Variants in COL21A1 observed in about 807,000 individuals in gnomAD.
COL21A1 encodes the protein collagen alpha-1(XXI) chain.
A neutral mutation model predicts 137.9 loss-of-function variants in COL21A1; 149 were observed. The ratio of observed to expected loss-of-function variants is 1.08; its 90% CI spans 0.95 to 1.24. COL21A1 has a LOEUF of 1.24. Ranked by LOEUF, COL21A1 falls within the 50% of genes most tolerant of loss-of-function variation. The pLI is 0.00. For synonymous variants in COL21A1, 456 were observed against 391.5 expected (o/e 1.16, Z -1.95); for missense variants, 1,167 against 1,158.4 (o/e 1.01, Z -0.11).
At chr6:56,223,993 A>T (rs1380076308) in intron 1 of COL21A1, among the ~76,000 whole-genome samples, 1 of 152,030 alleles carries the variant, frequency 6.6e-6, no homozygotes, top group African/African-American at 2.4e-5. Context: ...CTCTCCTGGG[A>T]TAAGGGCAAA....
At chr6:56,249,768 G>C (rs1782810770), upstream of COL21A1, among the ~76,000 whole-genome samples, 1 of 152,110 alleles carries the variant, frequency 6.6e-6, no homozygotes, top group African/African-American at 2.4e-5. Flanking sequence ...GGTTTGCTTT[G>C]GGGTGATAAA....
intron 1 of COL21A1, among the ~76,000 whole-genome samples, chr6:56,224,158 CT>C (rs1257016753): frequency 1.3e-5 from 2 of 152,142 alleles, no homozygotes; most frequent in African/African-American, 4.8e-5. Context: ...TATCTGGGTC[CT>C]TCCATATCAC....
At position 56,132,445 on chromosome 6, in the gene COL21A1, C is replaced by T. The variant is rs1225249106; in HGVS notation, c.1543-6296G>A. 3.3e-5 allele frequency among the ~76,000 whole-genome samples: 5 copies of T among 151,868 alleles called. No individual in the cohort carries two copies. In the East Asian group the frequency reaches 5.8e-4, roughly 18 times the overall value. ...AATAATGAGGAAGGATTAGCCCTGC[C>T]AATATTAAGTCAGATCATGAAGTGA... On this transcript the variant is annotated intron_variant, in intron 12 of 29. Transcript: ENST00000244728.
chr6:56,111,193 A>G (rs1393395902), intron 16 of COL21A1, among the ~76,000 whole-genome samples: 2 of 152,134 alleles, frequency 1.3e-5, no homozygotes, highest in Non-Finnish European at 2.9e-5. Context: ...TCATGAGGAA[A>G]GCATGAAACA....
In COL21A1 at chr6:56,124,289, C is replaced by T; in HGVS notation, c.1654G>A (p.Ala552Thr). 6.2e-7 allele frequency: 1 copy of T among 1,601,174 alleles called. No individual in the cohort carries two copies. Among genetic ancestry groups the T allele is most frequent in the East Asian group, 2.2e-5 (1 of 44,602 alleles). ...GSPGFYGKKGAKGEKGNAGFP... is the reference protein window; with the variant it reads ...GSPGFYGKKGTKGEKGNAGFP... ...CCAGCATTCCCCTTTTCACCTTTTG[C>T]ACCCTGTATCGAAAACAAACACTTA... Residue 552 changes from alanine (A) to threonine (T), a missense_variant, in exon 15 of 30, where the codon GCA becomes ACA. Coordinates refer to ENST00000244728, the MANE Select transcript of COL21A1 (RefSeq NM_030820.4).
At chr6:56,093,296 A>C (rs1769026721) in intron 17 of COL21A1, among the ~76,000 whole-genome samples, 1 of 152,154 alleles carries the variant, frequency 6.6e-6, no homozygotes, top group Non-Finnish European at 1.5e-5. Flanking sequence ...CAATGTCCAC[A>C]AAAGTCTCAA....
intron 1 of COL21A1, among the ~76,000 whole-genome samples, chr6:56,340,639 C>T (rs989448667): frequency 6.6e-6 from 1 of 152,084 alleles, no homozygotes; most frequent in Non-Finnish European, 1.5e-5. Context: ...TCTCTGTTGG[C>T]TGTGTTTATT....
chr6:56,205,594 A>G (rs929885319), intron 1 of COL21A1, among the ~76,000 whole-genome samples: 9 of 152,244 alleles, frequency 5.9e-5, no homozygotes, highest in African/African-American at 2.2e-4. Flanking sequence ...TCCCCAACCT[A>G]GCAAAATAGG....
Position 56,085,866 on chromosome 6 carries a change from T to G in COL21A1, c.1813-8293A>C, listed in dbSNP as rs79848608. On this transcript the variant is annotated intron_variant, in intron 17 of 29. Coordinates refer to ENST00000244728, the MANE Select transcript of COL21A1 (RefSeq NM_030820.4). Reference sequence around the variant, plus strand: ...TTCTTTATATATTTTTTTCAAGAGATATACAGATCATTTCCAAGAGAGTAT... The same window carrying G: ...TTCTTTATATATTTTTTTCAAGAGAGATACAGATCATTTCCAAGAGAGTAT... 7.1e-3 allele frequency among the ~76,000 whole-genome samples: 1,073 copies of G among 150,602 alleles called. 14 individuals carry two copies. Among genetic ancestry groups the G allele is most frequent in the African/African-American group, 0.025 (1,032 of 41,278 alleles).
chr6:56,245,724 C>G (rs1322434692), intron 1 of COL21A1, among the ~76,000 whole-genome samples: 4 of 152,182 alleles, frequency 2.6e-5, no homozygotes, highest in Non-Finnish European at 5.9e-5. Flanking sequence ...AGCAGAAGAG[C>G]AGGTCTTGAA....
chr6:56,112,140 T>C (rs914861374), intron 16 of COL21A1, among the ~76,000 whole-genome samples: 1 of 152,178 alleles, frequency 6.6e-6, no homozygotes, highest in Non-Finnish European at 1.5e-5. Context: ...TTCCCACATA[T>C]TGATCAATTC....
intron 5 of COL21A1, among the ~76,000 whole-genome samples, chr6:56,168,652 C>A (rs1166826154): frequency 6.6e-6 from 1 of 152,010 alleles, no homozygotes; most frequent in Non-Finnish European, 1.5e-5. Context: ...ACTAATCAAT[C>A]TTCCTTGATA....
chr6:56,101,383 C>T (rs1770442895), intron 17 of COL21A1, 89 bp downstream of exon 17: 3 of 921,394 alleles, frequency 3.3e-6, no homozygotes, highest in Non-Finnish European at 5.2e-6. Context: ...AATAATAGGG[C>T]ATCTGAGAGA....
rs149675264 is a variant in COL21A1 at position 56,391,136 on chromosome 6, T to C, written c.-39+2835A>G. ...TATCAAGTAACTTTTCCAACCACCA[T>C]AGAATAAAACTAGAAATCAGTAACA... On this transcript the variant is annotated intron_variant, in intron 1 of 28. Transcript: ENST00000370819. 2.8e-4 allele frequency among the ~76,000 whole-genome samples: 43 copies of C among 152,192 alleles called. 1 individual carries two copies. The East Asian group carries it at 7.9e-3, about 28-fold the overall frequency.
intron 1 of COL21A1, among the ~76,000 whole-genome samples, chr6:56,259,948 T>C (rs1420625677): frequency 6.6e-6 from 1 of 152,200 alleles, no homozygotes; most frequent in Non-Finnish European, 1.5e-5. Context: ...CCGGAGTCAT[T>C]CTGGGCATTT....
At chr6:56,105,356 C>T (rs1323794655) in intron 16 of COL21A1, among the ~76,000 whole-genome samples, 2 of 152,124 alleles carry the variant, frequency 1.3e-5, no homozygotes, top group Admixed American at 6.5e-5. Context: ...AGATCCACTG[C>T]CACCAAAAAG....
Position 56,273,125 on chromosome 6 carries a change from A to C in COL21A1, c.-38-90469T>G, listed in dbSNP as rs182033057. 4.8e-3 allele frequency among the ~76,000 whole-genome samples: 734 copies of C among 152,340 alleles called. 11 individuals carry two copies. The highest frequency in any genetic ancestry group is 6.8e-3 in the Middle Eastern group (2 of 294). ...ATTGCAAATAAACAACTTGCTCCTG[A>C]ATAATTTCTGGGTGAACATAAAAAT... On this transcript the variant is annotated intron_variant, in intron 1 of 28. Coordinates refer to the COL21A1 transcript ENST00000370819.
At chr6:56,126,900 A>G (rs1773091558) in intron 12 of COL21A1, among the ~76,000 whole-genome samples, 1 of 152,190 alleles carries the variant, frequency 6.6e-6, no homozygotes, top group Non-Finnish European at 1.5e-5. Flanking sequence ...TGTCTGGTAG[A>G]CATATTAAAG....
Position 56,141,953 on chromosome 6 carries a change from C to T in COL21A1, c.1465G>A (p.Val489Ile), listed in dbSNP as rs1341653210. 1.9e-6 allele frequency: 3 copies of T among 1,542,888 alleles called. No individual in the cohort carries two copies. Among genetic ancestry groups the T allele is most frequent in the African/African-American group, 1.4e-5 (1 of 72,694 alleles). Residue 489 changes from valine (V) to isoleucine (I), a missense_variant, in exon 11 of 30, where the codon GTT becomes ATT. By Grantham distance (29) the Val-to-Ile change is conservative (BLOSUM62 3). Coordinates refer to ENST00000244728, the MANE Select transcript of COL21A1 (RefSeq NM_030820.4). ...GYQGIAGTPG[V>I]PGSPGIQGAR... ...ACTTGTATTCCTGGAGATCCTGGAACACCTGGTGTCCCTGCAATTCCCTGA... is the reference window on the plus strand; with the variant it reads ...ACTTGTATTCCTGGAGATCCTGGAATACCTGGTGTCCCTGCAATTCCCTGA...
Sources: gnomAD v4.1 joint callset for allele counts (sites outside exome capture counted in the v4.1 genomes callset) on GRCh38, gnomAD v4.1.1 for gene constraint, MANE v1.5 for transcripts, NCBI Gene and HGNC (gene_info 2026-07-23, HGNC 2026-07-21) for gene names.